The following TNR variants were observed in gnomAD, a reference collection of about 807,000 sequenced individuals.
TNR encodes tenascin-R.
TNR carries 45 observed loss-of-function variants against 150.4 expected under a neutral mutation model. That is an observed-to-expected ratio of 0.30 (90% CI 0.24 to 0.38). The LOEUF (loss-of-function observed/expected upper bound fraction) is 0.38, where lower values mean the gene tolerates loss of function less well. Among genes scored for constraint, TNR ranks in the 10% least tolerant of loss-of-function variants. The probability of loss-of-function intolerance (pLI) is 1.00; values close to 1 mark genes in which losing one functional copy is unlikely to be tolerated. For synonymous variants in TNR, 687 were observed against 678.4 expected, an observed-to-expected ratio of 1.01 and a Z score of -0.20; for missense variants, 1,544 against 1,759.1, an observed-to-expected ratio of 0.88 and a Z score of 2.19.
chr1:175,492,782 T>C (rs1658317358), intron 2 of TNR, among the ~76,000 whole-genome samples: 1 of 152,168 alleles, frequency 6.6e-6, no homozygotes, highest in African/African-American at 2.4e-5. Context: ...ATGATTTTTA[T>C]AGAGGAGTGA....
intron 2 of TNR, among the ~76,000 whole-genome samples, chr1:175,483,692 T>G (rs559584585): frequency 2.0e-5 from 3 of 152,216 alleles, no homozygotes; most frequent in African/African-American, 7.2e-5. Context: ...TAGAGATGAG[T>G]TATCAGGATG....
intron 1 of TNR, among the ~76,000 whole-genome samples, chr1:175,728,118 T>C (rs12045500): frequency 0.29 from 44,066 of 151,982 alleles, 6,550 homozygotes; most frequent in African/African-American, 0.36. Flanking sequence ...GCCAGATGAG[T>C]ACAAGAAAAG....
intron 2 of TNR, among the ~76,000 whole-genome samples, chr1:175,505,762 C>T (rs1020233067): frequency 3.9e-5 from 6 of 152,220 alleles, no homozygotes; most frequent in African/African-American, 1.2e-4. Context: ...CAGATAAGGC[C>T]GGACATGGTG....
At chr1:175,341,465 C>T (rs938258421) in intron 18 of TNR, among the ~76,000 whole-genome samples, 9 of 152,096 alleles carry the variant, frequency 5.9e-5, no homozygotes, top group Non-Finnish European at 8.8e-5. Flanking sequence ...GTGAGATCAA[C>T]GGGACCATGG....
At chr1:175,544,823 T>C (rs527633897) in intron 1 of TNR, among the ~76,000 whole-genome samples, 1 of 152,348 alleles carries the variant, frequency 6.6e-6, no homozygotes, top group East Asian at 1.9e-4. Flanking sequence ...GATGACTTTA[T>C]GTCCCTGCTT....
chr1:175,376,029 C>T (rs1652360786), intron 9 of TNR, among the ~76,000 whole-genome samples: 1 of 152,236 alleles, frequency 6.6e-6, no homozygotes, highest in Middle Eastern at 3.4e-3. Flanking sequence ...GGTACTTCCA[C>T]AGCTGTGCTC....
rs879441114 is a variant in TNR at position 175,315,786 on chromosome 1, A to T, written c.*7571T>A. 6.8e-6 allele frequency: 1 copy of T among 146,822 alleles called. No individual in the cohort carries two copies. The highest frequency in any genetic ancestry group is 1.5e-5 in the Non-Finnish European group (1 of 67,130). 9.1% of individuals were successfully genotyped at this position (146,822 alleles called of 1,614,324 possible). ...TGTGTTTGTGCATGTGCACCTGTGTATGTGTGCATGCATGTGTGTGTGTGC... is the reference window on the plus strand; with the variant it reads ...TGTGTTTGTGCATGTGCACCTGTGTTTGTGTGCATGCATGTGTGTGTGTGC... On this transcript the variant is annotated 3_prime_UTR_variant, in exon 23 of 23. Coordinates refer to ENST00000367674, the MANE Select transcript of TNR (RefSeq NM_003285.3).
At chr1:175,447,673 T>G (rs923242852) in intron 2 of TNR, among the ~76,000 whole-genome samples, 1 of 152,224 alleles carries the variant, frequency 6.6e-6, no homozygotes, top group African/African-American at 2.4e-5. Flanking sequence ...TTGTCTCTTT[T>G]TTGTTGTTGT....
intron 2 of TNR, among the ~76,000 whole-genome samples, chr1:175,518,464 T>C (rs1659502161): frequency 2.6e-5 from 4 of 152,174 alleles, no homozygotes; most frequent in Non-Finnish European, 5.9e-5. Context: ...CTGATTTTCA[T>C]GGGGTCATCA....
At chr1:175,494,510 T>C (rs1658397770) in intron 2 of TNR, among the ~76,000 whole-genome samples, 1 of 152,204 alleles carries the variant, frequency 6.6e-6, no homozygotes, top group Non-Finnish European at 1.5e-5. Flanking sequence ...ACTGCCTGTC[T>C]ACCTGGGGAG....
intron 1 of TNR, among the ~76,000 whole-genome samples, chr1:175,573,777 C>T (rs1013102260): frequency 3.3e-5 from 5 of 152,014 alleles, no homozygotes; most frequent in South Asian, 2.1e-4. Flanking sequence ...TACTCCTGGC[C>T]GTAGGGTACA....
intron 1 of TNR, among the ~76,000 whole-genome samples, chr1:175,655,694 C>T (rs1235151581): frequency 5.9e-5 from 9 of 152,204 alleles, no homozygotes; most frequent in African/African-American, 2.2e-4. Context: ...CCACCATTAG[C>T]AAAGAAACAG....
At chr1:175,337,481 G>T in intron 19 of TNR, 47 bp downstream of exon 19, 1 of 1,610,082 alleles carries the variant, frequency 6.2e-7, no homozygotes, top group South Asian at 1.1e-5. Flanking sequence ...AGGTAGACTA[G>T]AACACTGAGG....
At chr1:175,561,784 T>A (rs1661438076) in intron 1 of TNR, among the ~76,000 whole-genome samples, 1 of 152,246 alleles carries the variant, frequency 6.6e-6, no homozygotes, top group South Asian at 2.1e-4. Context: ...ACATTAGAGC[T>A]GGGACTTTTC....
intron 1 of TNR, among the ~76,000 whole-genome samples, chr1:175,685,912 C>A (rs1484473862): frequency 6.6e-6 from 1 of 151,048 alleles, no homozygotes; most frequent in Non-Finnish European, 1.5e-5. Flanking sequence ...GAGATTTCAT[C>A]TGGACCTGAA....
At chr1:175,577,698 G>A (rs747696326) in intron 1 of TNR, among the ~76,000 whole-genome samples, 7 of 152,118 alleles carry the variant, frequency 4.6e-5, no homozygotes, top group Non-Finnish European at 5.9e-5. Context: ...GGAGGGCCAC[G>A]CTAACTGTCA....
chr1:175,647,011 A>T (rs1476635123), intron 1 of TNR, among the ~76,000 whole-genome samples: 2 of 152,244 alleles, frequency 1.3e-5, no homozygotes, highest in Non-Finnish European at 2.9e-5. Context: ...GGCAGGCAGG[A>T]TGGGGCAGGC....
intron 8 of TNR, among the ~76,000 whole-genome samples, chr1:175,383,915 G>T (rs572995299): frequency 6.6e-6 from 1 of 152,166 alleles, no homozygotes; most frequent in South Asian, 2.1e-4. Flanking sequence ...GAAGTCAGCC[G>T]CCTGACAGCT....
At chr1:175,453,542 A>T (rs1656422021) in intron 2 of TNR, among the ~76,000 whole-genome samples, 1 of 151,820 alleles carries the variant, frequency 6.6e-6, no homozygotes, top group African/African-American at 2.4e-5. Flanking sequence ...TTTAAACTTT[A>T]ATTATTTATT....
Sources: gnomAD v4.1 joint callset for allele counts (sites outside exome capture counted in the v4.1 genomes callset) on GRCh38, gnomAD v4.1.1 for gene constraint, MANE v1.5 for transcripts, NCBI Gene and HGNC (gene_info 2026-07-23, HGNC 2026-07-21) for gene names.